MMP20: variants seen among roughly 807,000 people sequenced by gnomAD.
MMP20 encodes the protein matrix metalloproteinase-20.
A neutral mutation model predicts 51.8 loss-of-function variants in MMP20; 50 were observed. That is an observed-to-expected ratio of 0.97 (90% confidence interval 0.77 to 1.22). The LOEUF is 1.22. Among genes scored for constraint, MMP20 ranks in the 50% most tolerant of loss-of-function variants. The pLI is 0.00. For synonymous variants in MMP20, 244 were observed against 216.2 expected, an observed-to-expected ratio of 1.13 and a Z score of -1.13; for missense variants, 663 against 601.4, an observed-to-expected ratio of 1.10 and a Z score of -1.07.
chr11:102,621,075 C>T (rs1259422563), intron 1 of MMP20, among the ~76,000 whole-genome samples: 2 of 152,222 alleles, frequency 1.3e-5, no homozygotes, highest in African/African-American at 2.4e-5. Context: ...GGGCACAAGC[C>T]GGTTCCTGGC....
rs1859340985 is a variant in MMP20 at position 102,593,423 on chromosome 11, AG to A, written c.1247+15del. The A allele has an allele frequency of 2.5e-6, 4 of 1,611,414 alleles. No individual in the cohort carries two copies. The highest frequency in any genetic ancestry group is 3.4e-6 in the Non-Finnish European group (4 of 1,178,160). On this transcript the variant is annotated intron_variant, in intron 8 of 9. Coordinates refer to ENST00000260228, the MANE Select transcript of MMP20 (RefSeq NM_004771.4). ...CATTAAATAAAGATAGATAGTAAAA[AG>A]GAAAAAAGCCATACCTGTAGTATTC... is the stretch of plus-strand genomic sequence containing the variant.
At chr11:102,580,984 T>C (rs138094714) in intron 8 of MMP20, among the ~76,000 whole-genome samples, 12 of 152,336 alleles carry the variant, frequency 7.9e-5, no homozygotes, top group Admixed American at 3.3e-4. Context: ...TATTTAAGGA[T>C]TTCTGTTATA....
chr11:102,617,808 A>G (rs562539547), intron 1 of MMP20, among the ~76,000 whole-genome samples: 1 of 152,338 alleles, frequency 6.6e-6, no homozygotes, highest in South Asian at 2.1e-4. Context: ...GGCTGGGATT[A>G]GGGTAAAACG....
At chr11:102,581,269 A>C (rs1449469218) in intron 8 of MMP20, among the ~76,000 whole-genome samples, 1 of 152,190 alleles carries the variant, frequency 6.6e-6, no homozygotes, top group Admixed American at 6.5e-5. Context: ...CCCCAAGAAC[A>C]ATTAACTCTG....
rs1215623566 is a variant in MMP20, at chr11:102,621,792, A to G, written c.126+3402T>C. ...TATAAAACCAAAATTTTCTTATGAC[A>G]TAATAGTTAGAAAAGTAAAAACCAC... On this transcript the variant is annotated intron_variant, in intron 1 of 9. Transcript: ENST00000260228. 3.3e-5 allele frequency among the ~76,000 whole-genome samples: 5 copies of G among 152,222 alleles called. No homozygotes were observed. In the South Asian group the frequency reaches 6.2e-4, roughly 19 times the overall value.
chr11:102,601,955 T>TTTC, intron 6 of MMP20, among the ~76,000 whole-genome samples: 1 of 148,096 alleles, frequency 6.8e-6, no homozygotes. Context: ...TTCTTTCTTT[T>TTTC]TTTTTTTTTT....
chr11:102,606,036 T>A (rs1052990971), intron 6 of MMP20, among the ~76,000 whole-genome samples: 6 of 152,206 alleles, frequency 3.9e-5, no homozygotes, highest in Non-Finnish European at 8.8e-5. Context: ...CATCCATCCA[T>A]CCATCCTTTT....
At chr11:102,619,411 C>T (rs1239640201) in intron 1 of MMP20, among the ~76,000 whole-genome samples, 2 of 151,984 alleles carry the variant, frequency 1.3e-5, no homozygotes, top group South Asian at 2.1e-4. Context: ...ACATGTTTGC[C>T]GTGTTTACCA....
intron 6 of MMP20, among the ~76,000 whole-genome samples, chr11:102,600,504 G>T (rs1328348163): frequency 1.3e-5 from 2 of 151,996 alleles, no homozygotes; most frequent in Admixed American, 6.6e-5. Flanking sequence ...TTTATTTTAA[G>T]ATAGGGTCTC....
In MMP20 at chr11:102,625,330, T is replaced by A. The variant is rs1314897232; in HGVS notation, c.-11A>T. The A allele has an allele frequency of 6.2e-7, 1 of 1,612,698 alleles. No homozygotes were observed. The highest frequency in any genetic ancestry group is 8.5e-7 in the Non-Finnish European group (1 of 1,179,274). ...AGGGAGCACCTTCATCCCCTCACAG[T>A]AGCTTGGTAATTATATCAGCCTGGG... is the stretch of plus-strand genomic sequence containing the variant. On this transcript the variant is annotated 5_prime_UTR_variant, in exon 1 of 10. Coordinates refer to ENST00000260228, the MANE Select transcript of MMP20 (RefSeq NM_004771.4).
At chr11:102,615,200 TAA>T (rs1406857324) in intron 2 of MMP20, among the ~76,000 whole-genome samples, 1 of 141,840 alleles carries the variant, frequency 7.1e-6, no homozygotes, top group Non-Finnish European at 1.5e-5. Flanking sequence ...ATATTATTAA[TAA>T]ATAGTATTTT....
intron 2 of MMP20, among the ~76,000 whole-genome samples, chr11:102,615,184 A>C (rs1217139289): frequency 6.9e-6 from 1 of 145,964 alleles, no homozygotes; most frequent in Non-Finnish European, 1.5e-5. Flanking sequence ...ATAATGTTTT[A>C]ATAATATATT....
chr11:102,593,905 G>A (rs1053453979), intron 7 of MMP20, among the ~76,000 whole-genome samples: 2 of 152,122 alleles, frequency 1.3e-5, no homozygotes, highest in Non-Finnish European at 2.9e-5. Flanking sequence ...ATAGATCTAC[G>A]AGAGAGAATG....
intron 9 of MMP20, 68 bp from the exon 10 acceptor site, chr11:102,577,494 T>G: frequency 9.2e-7 from 1 of 1,089,434 alleles, no homozygotes; most frequent in Non-Finnish European, 1.4e-6. Flanking sequence ...GAAGAATTTG[T>G]CACTGTCACT....
chr11:102,622,898 G>T (rs781638433), intron 1 of MMP20, among the ~76,000 whole-genome samples: 4 of 152,188 alleles, frequency 2.6e-5, no homozygotes, highest in Admixed American at 2.6e-4. Flanking sequence ...AAATTATAAG[G>T]TGGGATGTTA....
Position 102,577,269 on chromosome 11 carries a change from C to G in MMP20, c.*57G>C, listed in dbSNP as rs1011972062. On this transcript the variant is annotated 3_prime_UTR_variant, in exon 10 of 10. Transcript: ENST00000260228. ...TACATTCTGCTTTAGTCCTTAAGAT[C>G]CAGTTAGAGGCTGCTTGTAGTCATC... The G allele has an allele frequency of 4.3e-6, 5 of 1,171,064 alleles. No individual in the cohort carries two copies. Among genetic ancestry groups the G allele is most frequent in the African/African-American group, 3.0e-5 (2 of 66,024 alleles). 72.5% of individuals were successfully genotyped at this position (1,171,064 alleles called of 1,614,324 possible).
intron 8 of MMP20, among the ~76,000 whole-genome samples, chr11:102,586,640 C>T (rs775273444): frequency 6.6e-6 from 1 of 151,804 alleles, no homozygotes; most frequent in Non-Finnish European, 1.5e-5. Flanking sequence ...GGTGAAACCC[C>T]ATCTCTACTA....
At chr11:102,608,181 G>A (rs2135941216) in intron 5 of MMP20, 1 of 152,258 alleles carries the variant, frequency 6.6e-6, no homozygotes, top group Admixed American at 6.5e-5. Flanking sequence ...TAATAACCAG[G>A]TCTCCAGGGC....
intron 6 of MMP20, among the ~76,000 whole-genome samples, chr11:102,602,524 CAGTCA>C (rs1859461585): frequency 6.6e-6 from 1 of 152,148 alleles, no homozygotes; most frequent in Non-Finnish European, 1.5e-5. Flanking sequence ...AAATGCATAA[CAGTCA>C]ATGGGCATAT....
Sources: gnomAD v4.1 joint callset for allele counts (sites outside exome capture counted in the v4.1 genomes callset) on GRCh38, gnomAD v4.1.1 for gene constraint, MANE v1.5 for transcripts, NCBI Gene and HGNC (gene_info 2026-07-23, HGNC 2026-07-21) for gene names.